Variants in SLC9A4 observed in about 807,000 individuals in gnomAD.
SLC9A4 encodes sodium/hydrogen exchanger 4.
SLC9A4 carries 63 observed loss-of-function variants against 67.4 expected under a neutral mutation model. The observed-to-expected ratio is 0.93, with a 90% confidence interval of 0.76 to 1.15. The LOEUF (loss-of-function observed/expected upper bound fraction) is 1.15, where lower values mean the gene tolerates loss of function less well. SLC9A4 is among the 50% of genes most tolerant of loss of function. The probability of loss-of-function intolerance (pLI) is 0.00; values close to 1 mark genes in which losing one functional copy is unlikely to be tolerated. For missense variants in SLC9A4, 1,089 were observed against 987.7 expected, an observed-to-expected ratio of 1.10 and a Z score of -1.38; for synonymous variants, 393 against 367.2, an observed-to-expected ratio of 1.07 and a Z score of -0.80.
Position 102,479,076 on chromosome 2 carries a change from G to C in SLC9A4, c.494G>C (p.Gly165Ala). ...TCCATCCTGTGGTGGGCAGTATTGG[G>C]GGCCCTGATCAACGCCTTGGGCATT... The part of the protein sequence containing the change: ...IGSILWWAVL[G>A]ALINALGIGL... Residue 165 changes from glycine to alanine, a missense_variant, in exon 2 of 12, where the codon GGG (glycine) becomes GCG (alanine). Coordinates refer to ENST00000295269, the MANE Select transcript of SLC9A4 (RefSeq NM_001011552.4). The C allele has an allele frequency of 6.2e-7, 1 of 1,614,182 alleles. No homozygotes were observed. The highest frequency in any genetic ancestry group is 1.1e-5 in the South Asian group (1 of 91,088).
At chr2:102,502,580 C>T (rs923533034) in intron 2 of SLC9A4, among the ~76,000 whole-genome samples, 2 of 152,218 alleles carry the variant, frequency 1.3e-5, no homozygotes, top group African/African-American at 4.8e-5. Context: ...GAGGGGTTCA[C>T]CTTTTACTGG....
chr2:102,497,941 G>A (rs962973623), intron 2 of SLC9A4, among the ~76,000 whole-genome samples: 1 of 152,152 alleles, frequency 6.6e-6, no homozygotes, highest in Non-Finnish European at 1.5e-5. Flanking sequence ...TGTGTTAAAA[G>A]GGCTTTGCAA....
At position 102,505,466 on chromosome 2, in the gene SLC9A4, C is replaced by T. The variant is rs749865435; in HGVS notation, c.1193C>T (p.Ala398Val). 24 of 1,613,622 alleles carry T rather than the reference C, an allele frequency of 1.5e-5. No homozygotes were observed. The East Asian group carries it at 5.1e-4, about 34-fold the overall frequency. ...FTLAFCQIWR[A>V]ISVFALFYIS... ...CTGGCCTTCTGCCAAATCTGGAGAGCCATCAGTAAGAGACGGCAGGGCTCC... is the reference window on the plus strand; with the variant it reads ...CTGGCCTTCTGCCAAATCTGGAGAGTCATCAGTAAGAGACGGCAGGGCTCC... Residue 398 changes from alanine to valine, a missense_variant, in exon 4 of 12, where the codon GCC becomes GTC. Ala to Val is a moderately conservative substitution (Grantham distance 64). Transcript: ENST00000295269.
In SLC9A4 at chr2:102,532,427, A is replaced by C; in HGVS notation, c.2136A>C (p.Pro712=). 1 of 1,614,228 alleles carries C rather than the reference A, an allele frequency of 6.2e-7. No individual in the cohort carries two copies. The highest frequency in any genetic ancestry group is 1.3e-5 in the African/African-American group (1 of 75,062). The change falls in exon 12 of 12, where the codon CCA becomes CCC. Residue 712 remains proline (P), a synonymous_variant. Transcript: ENST00000295269. ...AGCAAGAGGCACAAGAAATAATACCAATGAAGAGCCTACACAGAGGAAGGA... is the reference window on the plus strand; with the variant it reads ...AGCAAGAGGCACAAGAAATAATACCCATGAAGAGCCTACACAGAGGAAGGA... The part of the protein sequence containing the change: ...LQKQEAQEII[P]MKSLHRGRKA...
chr2:102,520,933 T>C (rs1480626952), intron 9 of SLC9A4, among the ~76,000 whole-genome samples: 1 of 152,178 alleles, frequency 6.6e-6, no homozygotes, highest in Non-Finnish European at 1.5e-5. Context: ...CAAAGGTCAA[T>C]GATTAAGAGG....
At chr2:102,491,003 C>T (rs554287886) in intron 2 of SLC9A4, among the ~76,000 whole-genome samples, 1 of 152,250 alleles carries the variant, frequency 6.6e-6, no homozygotes, top group African/African-American at 2.4e-5. Context: ...CAAGCAAATG[C>T]CCCATTCTGG....
intron 2 of SLC9A4, among the ~76,000 whole-genome samples, chr2:102,487,423 A>G (rs534579078): frequency 6.6e-6 from 1 of 151,998 alleles, no homozygotes; most frequent in African/African-American, 2.4e-5. Context: ...ACAACAGACA[A>G]CCCCTTTACT....
chr2:102,489,283 G>A (rs1373030168), intron 2 of SLC9A4, among the ~76,000 whole-genome samples: 1 of 152,182 alleles, frequency 6.6e-6, no homozygotes, highest in Non-Finnish European at 1.5e-5. Context: ...GGCACCATGG[G>A]TGAGGAACAG....
At chr2:102,491,666 A>C (rs1421998255) in intron 2 of SLC9A4, among the ~76,000 whole-genome samples, 1 of 152,028 alleles carries the variant, frequency 6.6e-6, no homozygotes, top group Non-Finnish European at 1.5e-5. Flanking sequence ...TCAAGATGAG[A>C]TTTGGGTGGG....
intron 6 of SLC9A4, among the ~76,000 whole-genome samples, chr2:102,509,744 A>G (rs1358846004): frequency 6.6e-6 from 1 of 152,192 alleles, no homozygotes; most frequent in Non-Finnish European, 1.5e-5. Flanking sequence ...GTTTCTCTTC[A>G]TCTATGAATT....
chr2:102,475,539 T>C (rs1279010011), intron 1 of SLC9A4, among the ~76,000 whole-genome samples: 1 of 152,222 alleles, frequency 6.6e-6, no homozygotes, highest in Non-Finnish European at 1.5e-5. Context: ...TGCACCCAGA[T>C]TCATTCTGTC....
intron 2 of SLC9A4, among the ~76,000 whole-genome samples, chr2:102,482,575 C>T (rs1343416941): frequency 6.6e-6 from 1 of 152,078 alleles, no homozygotes; most frequent in African/African-American, 2.4e-5. Flanking sequence ...TTAAGGTAGC[C>T]CCTCTGACCC....
intron 2 of SLC9A4, among the ~76,000 whole-genome samples, chr2:102,482,268 TACCCTCTG>T (rs1334051590): frequency 6.6e-6 from 1 of 152,216 alleles, no homozygotes; most frequent in Admixed American, 6.5e-5. Flanking sequence ...TCCCATTTCA[TACCCTCTG>T]ACCCAGACTG....
intron 3 of SLC9A4, among the ~76,000 whole-genome samples, chr2:102,504,172 C>A (rs1234446226): frequency 1.3e-5 from 2 of 152,210 alleles, no homozygotes; most frequent in Non-Finnish European, 2.9e-5. Context: ...CCTGCCTCAG[C>A]CTCCTGAGTA....
chr2:102,508,100 T>C lies in SLC9A4; in HGVS notation c.1220T>C (p.Ile407Thr). ...RAISVFALFY[I>T]SNQFRTFPFS... ...CTAGGCGTATTTGCTCTCTTCTATA[T>C]CAGTAACCAGTTTCGGACTTTCCCC... is the stretch of plus-strand genomic sequence containing the variant. Residue 407 changes from isoleucine to threonine, a missense_variant, in exon 5 of 12, where the codon ATC (isoleucine) becomes ACC (threonine). Physicochemically the swap from Ile to Thr is moderately conservative, Grantham distance 89. Coordinates refer to ENST00000295269, the MANE Select transcript of SLC9A4 (RefSeq NM_001011552.4). 5 of 1,614,152 alleles carry C rather than the reference T, an allele frequency of 3.1e-6. No individual in the cohort carries two copies. Among genetic ancestry groups the C allele is most frequent in the Non-Finnish European group, 4.2e-6 (5 of 1,180,020 alleles).
chr2:102,503,312 C>T lies in SLC9A4; in HGVS notation c.721-136C>T, dbSNP rs144029516. On this transcript the variant is annotated intron_variant, in intron 2 of 11. Transcript: ENST00000295269. ...AATTATTGGGAATACAGTTAAAAGG[C>T]AGTCATCTTAGTATTTTTTGTTGTG... is the stretch of plus-strand genomic sequence containing the variant. 1,968 of 806,434 alleles carry T rather than the reference C, an allele frequency of 2.4e-3. 10 individuals are homozygous for T. Among genetic ancestry groups the T allele is most frequent in the Admixed American group, 5.2e-3 (171 of 32,914 alleles). The allele number at this position is 806,434 out of a possible 1,614,324, so 50.0% of individuals were successfully genotyped here. A position where few individuals can be genotyped will look rare whatever the true frequency, so the allele number is the denominator to read the frequency against.
intron 2 of SLC9A4, among the ~76,000 whole-genome samples, chr2:102,486,593 C>T (rs777373416): frequency 1.3e-5 from 2 of 152,172 alleles, no homozygotes; most frequent in Non-Finnish European, 2.9e-5. Context: ...GATAGCTTTA[C>T]CAAGAGACAG....
At chr2:102,494,992 C>G (rs748184793) in intron 2 of SLC9A4, among the ~76,000 whole-genome samples, 40 of 152,016 alleles carry the variant, frequency 2.6e-4, no homozygotes, top group Admixed American at 1.3e-3. Context: ...GCCCTAATTC[C>G]TATTCATAGA....
At chr2:102,481,886 C>T (rs1368745127) in intron 2 of SLC9A4, among the ~76,000 whole-genome samples, 1 of 122,356 alleles carries the variant, frequency 8.2e-6, no homozygotes, top group African/African-American at 3.2e-5. Flanking sequence ...ATTCATTTGG[C>T]AAGCAAGATC....
Sources: allele counts gnomAD v4.1 joint callset (sites outside exome capture counted in the v4.1 genomes callset), GRCh38; gene constraint gnomAD v4.1.1; transcripts MANE v1.5; gene names NCBI Gene and HGNC (gene_info 2026-07-23, HGNC 2026-07-21).